PHC3: variants seen among roughly 807,000 people sequenced by gnomAD.
PHC3 encodes the protein polyhomeotic-like protein 3.
A neutral mutation model predicts 107.4 loss-of-function variants in PHC3; 13 were observed. The ratio of observed to expected loss-of-function variants is 0.12; its 90% CI spans 0.08 to 0.19. The LOEUF is 0.19. Among genes scored for constraint, PHC3 ranks in the 10% least tolerant of loss-of-function variants. The pLI is 1.00. For synonymous variants in PHC3, 456 were observed against 427.4 expected, an observed-to-expected ratio of 1.07 and a Z score of -0.83; for missense variants, 992 against 1,210.9, an observed-to-expected ratio of 0.82 and a Z score of 2.68.
In PHC3 at chr3:170,130,491, T is replaced by C. The variant is rs369309043; in HGVS notation, c.920-939A>G. Reference sequence around the variant, plus strand: ...GTGTGAATCCTGTAGCACAGTTAATTAATCACTGTAACTAAGAACTCAAAT... The same window carrying C: ...GTGTGAATCCTGTAGCACAGTTAATCAATCACTGTAACTAAGAACTCAAAT... On this transcript the variant is annotated intron_variant, in intron 7 of 14. Coordinates refer to ENST00000495893, the MANE Select transcript of PHC3 (RefSeq NM_024947.4). Among the ~76,000 whole-genome samples the C allele has an allele frequency of 7.2e-5, 11 of 152,286 alleles. 1 individual carries two copies. The South Asian group carries it at 2.1e-3, about 29-fold the overall frequency.
intron 4 of PHC3, among the ~76,000 whole-genome samples, chr3:170,154,641 G>T (rs1164116922): frequency 6.6e-6 from 1 of 152,188 alleles, no homozygotes; most frequent in African/African-American, 2.4e-5. Context: ...AAAAGAGGAA[G>T]TGAAGACAAC....
chr3:170,174,209 T>C (rs191490390), intron 2 of PHC3, among the ~76,000 whole-genome samples: 1 of 151,586 alleles, frequency 6.6e-6, no homozygotes, highest in Admixed American at 6.6e-5. Flanking sequence ...ATAATAATAA[T>C]AAAATAAAAA....
At chr3:170,103,206 G>C (rs1432314622) in intron 12 of PHC3, among the ~76,000 whole-genome samples, 4 of 152,116 alleles carry the variant, frequency 2.6e-5, no homozygotes, top group Non-Finnish European at 5.9e-5. Context: ...CAGCATGACA[G>C]TGGGAAACTG....
intron 12 of PHC3, among the ~76,000 whole-genome samples, chr3:170,106,108 AGGC>A (rs1214141001): frequency 6.6e-6 from 1 of 152,114 alleles, no homozygotes; most frequent in Non-Finnish European, 1.5e-5. Flanking sequence ...GCTACTCAGG[AGGC>A]TGAGGCAGGA....
chr3:170,172,672 G>A lies in PHC3; in HGVS notation c.221C>T (p.Ala74Val), dbSNP rs1280724865. 6.2e-7 allele frequency: 1 copy of A among 1,612,370 alleles called. No individual in the cohort carries two copies. Residue 74 changes from alanine (A) to valine (V), a missense_variant, in exon 3 of 15, where the codon GCT (alanine) becomes GTT (valine). By Grantham distance (64) the Ala-to-Val change is moderately conservative (BLOSUM62 0). This residue lies in a region of PHC3 where 161 missense variants were observed against 183.7 expected (regional missense o/e 0.88). Coordinates refer to ENST00000495893, the MANE Select transcript of PHC3 (RefSeq NM_024947.4). ...QALHRPPSSA[A>V]QYLQQMYAAQ... ...TGCATACATTTGCTGAAGGTACTGA[G>A]CAGCTGAGCTGGGGGGCCGATGCAA...
intron 4 of PHC3, among the ~76,000 whole-genome samples, chr3:170,154,221 A>C (rs1726521754): frequency 6.6e-6 from 1 of 152,178 alleles, no homozygotes; most frequent in African/African-American, 2.4e-5. Context: ...TTATTAAGTT[A>C]ATTAATGTCA....
At chr3:170,157,663 A>C (rs1727098142) in intron 4 of PHC3, among the ~76,000 whole-genome samples, 1 of 152,188 alleles carries the variant, frequency 6.6e-6, no homozygotes, top group Non-Finnish European at 1.5e-5. Flanking sequence ...AGAATGACTG[A>C]TTATAAGCAA....
intron 11 of PHC3, among the ~76,000 whole-genome samples, chr3:170,108,780 C>CT (rs1350479651): frequency 1.3e-5 from 2 of 152,122 alleles, no homozygotes; most frequent in Non-Finnish European, 2.9e-5. Flanking sequence ...AGTTCCAGCC[C>CT]TGAAAGAGTC....
chr3:170,147,096 C>T lies in PHC3; in HGVS notation c.574-1575G>A, dbSNP rs150640914. The stretch of plus-strand genomic sequence containing the variant: ...TGTTGGTCAGGCTGGTTTTGAACTC[C>T]CAACCTCAGGTGATCCACCTGCCTC... On this transcript the variant is annotated intron_variant, in intron 5 of 14. Transcript: ENST00000495893. 4.8e-3 allele frequency among the ~76,000 whole-genome samples: 723 copies of T among 151,628 alleles called. 4 individuals carry two copies. Among genetic ancestry groups the T allele is most frequent in the African/African-American group, 0.017 (689 of 41,328 alleles).
chr3:170,169,573 C>T (rs897864058), intron 4 of PHC3: 2 of 152,170 alleles, frequency 1.3e-5, no homozygotes, highest in African/African-American at 4.8e-5. Context: ...TTATCTTCCC[C>T]CACCAGCCAT....
intron 2 of PHC3, among the ~76,000 whole-genome samples, 159 bp from the exon 3 acceptor site, chr3:170,172,871 T>C (rs923727779): frequency 6.6e-6 from 1 of 152,164 alleles, no homozygotes; most frequent in Non-Finnish European, 1.5e-5. Context: ...TACATATCAC[T>C]AGAAATCACT....
intron 8 of PHC3, among the ~76,000 whole-genome samples, chr3:170,125,194 T>C (rs1048381711): frequency 6.6e-6 from 1 of 152,174 alleles, no homozygotes; most frequent in African/African-American, 2.4e-5. Context: ...TCATTTGTTA[T>C]TGTTCGGAGC....
chr3:170,143,305 C>T (rs969393686), intron 6 of PHC3, among the ~76,000 whole-genome samples: 1 of 151,814 alleles, frequency 6.6e-6, no homozygotes, highest in Non-Finnish European at 1.5e-5. Flanking sequence ...AGATAAAGTT[C>T]TCATTTTATA....
At chr3:170,163,473 T>TGA (rs1325073263) in intron 4 of PHC3, among the ~76,000 whole-genome samples, 1 of 148,144 alleles carries the variant, frequency 6.8e-6, no homozygotes, top group Non-Finnish European at 1.5e-5. Context: ...TGTGTGTGTG[T>TGA]GTGTGTGTGT....
rs201049906 is a variant in PHC3 at position 170,129,337 on chromosome 3, C to A, written c.1135G>T (p.Ala379Ser). ...ATCGGTGAACAATGCTGTGACTGGG[C>A]ATTACTGGGAGCTGGAGGAAGGCCA... Reference protein sequence around the residue: ...NHGLPPAPSNAQSQHCSPIQS... With the variant: ...NHGLPPAPSNSQSQHCSPIQS... The change falls in exon 8 of 15, where the codon GCC becomes TCC. Residue 379 changes from alanine to serine, a missense_variant. Transcript: ENST00000495893. 6.2e-7 allele frequency: 1 copy of A among 1,613,732 alleles called. No homozygotes were observed. The highest frequency in any genetic ancestry group is 8.5e-7 in the Non-Finnish European group (1 of 1,179,834).
Position 170,097,898 on chromosome 3 carries a change from A to C in PHC3, c.2834-514T>G, listed in dbSNP as rs148467486. 0.012 allele frequency among the ~76,000 whole-genome samples: 1,855 copies of C among 152,306 alleles called. 40 individuals carry two copies. Among genetic ancestry groups the C allele is most frequent in the African/African-American group, 0.042 (1,759 of 41,558 alleles). ...ATCCTAATTTATGACCTTCACTTGA[A>C]AAGTACATTTAAAATATTTTTATTG... On this transcript the variant is annotated intron_variant, in intron 14 of 14. Transcript: ENST00000495893. The surrounding 1 kb of genome is among the most constrained non-coding windows in gnomAD (Gnocchi z 4.1).
At chr3:170,110,337 C>T (rs1717388396) in intron 11 of PHC3, among the ~76,000 whole-genome samples, 1 of 152,026 alleles carries the variant, frequency 6.6e-6, no homozygotes, top group East Asian at 1.9e-4. Flanking sequence ...GCCAGTCATA[C>T]TTCCCACTAC....
chr3:170,104,716 A>G (rs1008138077), intron 12 of PHC3, among the ~76,000 whole-genome samples: 1 of 152,222 alleles, frequency 6.6e-6, no homozygotes, highest in Non-Finnish European at 1.5e-5. Flanking sequence ...GGTGGAAATA[A>G]AAAGTACTAT....
intron 6 of PHC3, among the ~76,000 whole-genome samples, chr3:170,143,492 T>C (rs766859879): frequency 4.0e-5 from 6 of 151,536 alleles, no homozygotes; most frequent in Non-Finnish European, 8.8e-5. Context: ...ATATTATTAC[T>C]ACCTCATTTT....
Sources: gnomAD v4.1 joint callset for allele counts (sites outside exome capture counted in the v4.1 genomes callset) on GRCh38, gnomAD v4.1.1 for gene constraint, gnomAD v4.1.1 regional missense constraint, Gnocchi (gnomAD v3.1) non-coding constraint, MANE v1.5 for transcripts, NCBI Gene and HGNC (gene_info 2026-07-23, HGNC 2026-07-21) for gene names.